Variants in KHDRBS1 observed in about 807,000 individuals in gnomAD.
The protein encoded by KHDRBS1 is KH domain-containing, RNA-binding, signal transduction-associated protein 1.
In KHDRBS1, 7 loss-of-function variants were observed where a neutral mutation model predicts 48.4. That is an observed-to-expected ratio of 0.14 (90% confidence interval 0.08 to 0.27). The LOEUF (loss-of-function observed/expected upper bound fraction) is 0.27, where lower values mean the gene tolerates loss of function less well. KHDRBS1 is among the 10% of genes least tolerant of loss of function. KHDRBS1 has a pLI of 1.00. For missense variants in KHDRBS1, 458 were observed against 601.2 expected, an observed-to-expected ratio of 0.76 and a Z score of 2.49; for synonymous variants, 241 against 235.8, an observed-to-expected ratio of 1.02 and a Z score of -0.20.
At position 32,014,256 on chromosome 1, in the gene KHDRBS1, G is replaced by T. The variant is rs1638688664; in HGVS notation, c.261G>T (p.Leu87=). The T allele has an allele frequency of 1.3e-6, 2 of 1,539,090 alleles. No individual in the cohort carries two copies. The highest frequency in any genetic ancestry group is 2.4e-5 in the South Asian group (2 of 82,646). The part of the protein sequence containing the change: ...TVGGPAPTPL[L]PPSATASVKM... ...GCGGGCCAGCGCCGACCCCGCTGCT[G>T]CCCCCCTCGGCCACAGCCTCGGTCA... The change falls in exon 1 of 9, where the codon CTG becomes CTT. Residue 87 remains leucine (L), a synonymous_variant. Coordinates refer to ENST00000327300, the MANE Select transcript of KHDRBS1 (RefSeq NM_006559.3).
At chr1:32,046,555 G>T (rs1639360342), downstream of KHDRBS1, among the ~76,000 whole-genome samples, 2 of 152,152 alleles carry the variant, frequency 1.3e-5, no homozygotes, top group South Asian at 4.1e-4. Context: ...CCTTCATAGG[G>T]ATAATTGTGG....
At chr1:32,017,095 CAAA>C (rs1172180818) in intron 1 of KHDRBS1, among the ~76,000 whole-genome samples, 5 of 151,732 alleles carry the variant, frequency 3.3e-5, no homozygotes, top group Non-Finnish European at 7.4e-5. Flanking sequence ...CCGTCTCTAC[CAAA>C]AATACAAAAA....
chr1:32,025,835 CT>C (rs1638958573), intron 1 of KHDRBS1, among the ~76,000 whole-genome samples: 2 of 149,498 alleles, frequency 1.3e-5, no homozygotes, highest in South Asian at 4.3e-4. Flanking sequence ...GCCTTGAACT[CT>C]TGGGCTCAAG....
downstream of KHDRBS1, among the ~76,000 whole-genome samples, chr1:32,046,667 G>C (rs773352917): frequency 1.2e-4 from 19 of 152,188 alleles, no homozygotes; most frequent in Non-Finnish European, 2.2e-4. Context: ...GCAACTAACT[G>C]GCTGATTTTT....
In KHDRBS1 at chr1:32,014,159, C is replaced by T. The variant is rs1012535544; in HGVS notation, c.164C>T (p.Ala55Val). ...GGCGGAGGGGGATCCCGCGGGGGCGCCCGGGCCTCGCCCGCCACGCAGCCG... is the reference window on the plus strand; with the variant it reads ...GGCGGAGGGGGATCCCGCGGGGGCGTCCGGGCCTCGCCCGCCACGCAGCCG... ...RGGGGGSRGGARASPATQPPP... is the reference protein window; with the variant it reads ...RGGGGGSRGGVRASPATQPPP... The change falls in exon 1 of 9, where the codon GCC (alanine) becomes GTC (valine). Residue 55 changes from alanine (A) to valine (V), a missense_variant. By Grantham distance (64) the Ala-to-Val change is moderately conservative. This residue lies in a region of KHDRBS1 where 213 missense variants were observed against 215.6 expected (regional missense o/e 0.99). Transcript: ENST00000327300. 4.5e-5 allele frequency: 59 copies of T among 1,303,172 alleles called. No homozygotes were observed. Among genetic ancestry groups the T allele is most frequent in the Non-Finnish European group, 7.8e-6 (8 of 1,026,424 alleles). 80.7% of individuals were successfully genotyped at this position (1,303,172 alleles called of 1,614,324 possible). A position where few individuals can be genotyped will look rare whatever the true frequency, so the allele number is the denominator to read the frequency against.
intron 1 of KHDRBS1, among the ~76,000 whole-genome samples, chr1:32,024,396 C>CA (rs764298184): frequency 2.3e-4 from 35 of 152,078 alleles, no homozygotes; most frequent in Non-Finnish European, 4.3e-4. Context: ...CCACAGCCTC[C>CA]AACTCCTGGG....
intron 10 of KHDRBS1, among the ~76,000 whole-genome samples, chr1:32,049,671 T>A (rs960459668): frequency 2.0e-5 from 3 of 150,292 alleles, no homozygotes; most frequent in African/African-American, 5.0e-5. Flanking sequence ...TTTTTATTTT[T>A]TTTTTTTTGA....
intron 1 of KHDRBS1, among the ~76,000 whole-genome samples, chr1:32,029,700 G>A (rs1639044901): frequency 6.6e-6 from 1 of 152,134 alleles, no homozygotes; most frequent in Non-Finnish European, 1.5e-5. Context: ...TATCATTTAG[G>A]CATTGGCTGA....
In KHDRBS1 at chr1:32,036,937, C is replaced by A; in HGVS notation, c.799C>A (p.Gln267Lys). 6.2e-7 allele frequency: 1 copy of A among 1,613,682 alleles called. No individual in the cohort carries two copies. Among genetic ancestry groups the A allele is most frequent in the Non-Finnish European group, 8.5e-7 (1 of 1,179,780 alleles). Residue 267 changes from glutamine to lysine, a missense_variant, in exon 5 of 9, where the codon CAA becomes AAA. By Grantham distance (53) the Gln-to-Lys change is moderately conservative. Around this residue, in one of 3 missense-constraint regions of KHDRBS1, gnomAD observed 74 missense variants for 156.9 expected, o/e 0.47. Coordinates refer to ENST00000327300, the MANE Select transcript of KHDRBS1 (RefSeq NM_006559.3). ...PDMMDDICQEQFLELSYLNGV... is the reference protein window; with the variant it reads ...PDMMDDICQEKFLELSYLNGV... ...TATGATGGATGATATCTGTCAGGAG[C>A]AATTTCTAGAGCTGTCCTACTTGAA...
Position 32,037,969 on chromosome 1 carries a change from C to T in KHDRBS1, c.1040C>T (p.Ala347Val). ...PTVRGAPAPR[A>V]RTAGIQRIPL... ...GTGAGGGGTGCTCCAGCACCAAGAG[C>T]ACGGACAGCGGGCATCCAGAGGATA... is the stretch of plus-strand genomic sequence containing the variant. The change falls in exon 6 of 9, where the codon GCA becomes GTA. Residue 347 changes from alanine (A) to valine (V), a missense_variant. Ala to Val is a moderately conservative substitution (Grantham distance 64, BLOSUM62 0). This residue lies in a region of KHDRBS1 where 171 missense variants were observed against 228.7 expected (regional missense o/e 0.75). Transcript: ENST00000327300. 6.2e-7 allele frequency: 1 copy of T among 1,614,220 alleles called. No homozygotes were observed. Among genetic ancestry groups the T allele is most frequent in the African/African-American group, 1.3e-5 (1 of 75,048 alleles).
chr1:32,040,389 CT>C (rs1244837483), intron 8 of KHDRBS1, among the ~76,000 whole-genome samples: 1 of 151,384 alleles, frequency 6.6e-6, no homozygotes, highest in African/African-American at 2.4e-5. Flanking sequence ...GCACTCCAGC[CT>C]GGGCAACAAA....
intron 6 of KHDRBS1, 109 bp from the exon 7 acceptor site, chr1:32,038,443 T>C (rs1467701198): frequency 1.9e-6 from 2 of 1,067,338 alleles, no homozygotes. Flanking sequence ...GAGGGAAATG[T>C]CATGTCCTTT....
At chr1:32,017,643 T>C (rs1336876264) in intron 1 of KHDRBS1, among the ~76,000 whole-genome samples, 3 of 148,916 alleles carry the variant, frequency 2.0e-5, no homozygotes, top group Non-Finnish European at 4.5e-5. Context: ...GTTGCACTTT[T>C]GTTGCCCAGG....
intron 10 of KHDRBS1, among the ~76,000 whole-genome samples, chr1:32,053,415 G>A (rs1174378144): frequency 6.6e-6 from 1 of 151,972 alleles, no homozygotes; most frequent in Non-Finnish European, 1.5e-5. Flanking sequence ...ATTACAGATG[G>A]GGTCTTGCTT....
chr1:32,042,787 C>A lies in KHDRBS1; in HGVS notation c.*163C>A. Reference sequence around the variant, plus strand: ...CCACCTTATTCCATTCTTAACTCTGCATTCTGGCTTCTGTATGTAGTATTT... The same window carrying A: ...CCACCTTATTCCATTCTTAACTCTGAATTCTGGCTTCTGTATGTAGTATTT... On this transcript the variant is annotated 3_prime_UTR_variant, in exon 9 of 9. Coordinates refer to ENST00000327300, the MANE Select transcript of KHDRBS1 (RefSeq NM_006559.3). 1.9e-6 allele frequency: 1 copy of A among 536,066 alleles called. No homozygotes were observed. Among genetic ancestry groups the A allele is most frequent in the South Asian group, 2.7e-5 (1 of 37,368 alleles). The allele number at this position is 536,066 out of a possible 1,614,324, so 33.2% of individuals were successfully genotyped here.
Position 32,014,077 on chromosome 1 carries a change from C to T in KHDRBS1, c.82C>T (p.Pro28Ser), listed in dbSNP as rs746456822. The change falls in exon 1 of 9, where the codon CCC becomes TCC. Residue 28 changes from proline to serine, a missense_variant. By Grantham distance (74) the Pro-to-Ser change is moderately conservative. Transcript: ENST00000327300. The stretch of plus-strand genomic sequence containing the variant: ...CTCCATGGACCCCTCCGGTGCCCAC[C>T]CCTCGGTGCGTCAGACGCCGTCTCG... ...SGSMDPSGAHPSVRQTPSRQP... is the reference protein window; with the variant it reads ...SGSMDPSGAHSSVRQTPSRQP... 7 of 1,480,002 alleles carry T rather than the reference C, an allele frequency of 4.7e-6. No homozygotes were observed. In the South Asian group the frequency reaches 7.7e-5, roughly 16 times the overall value. 91.7% of individuals were successfully genotyped at this position (1,480,002 alleles called of 1,614,324 possible).
intron 10 of KHDRBS1, among the ~76,000 whole-genome samples, chr1:32,056,322 A>G (rs1398943409): frequency 6.6e-6 from 1 of 152,174 alleles, no homozygotes; most frequent in Non-Finnish European, 1.5e-5. Context: ...GGGACTCCTT[A>G]AAAAAGACAG....
At chr1:32,026,571 C>A (rs1010327811) in intron 1 of KHDRBS1, among the ~76,000 whole-genome samples, 4 of 152,158 alleles carry the variant, frequency 2.6e-5, no homozygotes, top group Non-Finnish European at 4.4e-5. Flanking sequence ...TCACACTGGT[C>A]TTTAAGAAAT....
intron 1 of KHDRBS1, among the ~76,000 whole-genome samples, chr1:32,021,280 T>A (rs978348656): frequency 1.3e-5 from 2 of 152,094 alleles, no homozygotes; most frequent in Admixed American, 6.6e-5. Flanking sequence ...GATTTTTTTT[T>A]AACCAATACC....
Sources: gnomAD v4.1 joint callset for allele counts (sites outside exome capture counted in the v4.1 genomes callset) on GRCh38, gnomAD v4.1.1 for gene constraint, gnomAD v4.1.1 regional missense constraint, MANE v1.5 for transcripts, NCBI Gene and HGNC (gene_info 2026-07-23, HGNC 2026-07-21) for gene names.